Variants in RAB37 observed in about 807,000 individuals in gnomAD.
RAB37 encodes ras-related protein Rab-37.
In RAB37, 29 loss-of-function variants were observed where a neutral mutation model predicts 33.1. That is an observed-to-expected ratio of 0.88 (90% CI 0.65 to 1.20). The LOEUF (loss-of-function observed/expected upper bound fraction) is 1.20, where lower values mean the gene tolerates loss of function less well. Ranked by LOEUF, RAB37 falls within the 50% of genes most tolerant of loss-of-function variation. RAB37 has a pLI of 0.00. For missense variants in RAB37, 299 were observed against 301.1 expected (o/e 0.99, Z 0.05); for synonymous variants, 128 against 119.5 (o/e 1.07, Z -0.47).
chr17:74,717,506 CT>C (rs1392877275), intron 1 of RAB37, among the ~76,000 whole-genome samples: 3 of 152,122 alleles, frequency 2.0e-5, no homozygotes, highest in Non-Finnish European at 2.9e-5. Context: ...GATTAGTGCC[CT>C]TATAAGAAAG....
upstream of RAB37, chr17:74,737,175 C>T: frequency 2.2e-6 from 2 of 898,032 alleles, no homozygotes; most frequent in African/African-American, 1.9e-5. Flanking sequence ...TGAGGGGTCC[C>T]GGTCGAGGGA....
chr17:74,713,315 C>CAAA (rs1163915122), intron 1 of RAB37, among the ~76,000 whole-genome samples: 50 of 61,084 alleles, frequency 8.2e-4, no homozygotes, highest in South Asian at 3.2e-3. Context: ...CAAACAAAAA[C>CAAA]AAAAAAAAAA....
intron 1 of RAB37, among the ~76,000 whole-genome samples, chr17:74,739,271 G>A (rs2034550598): frequency 6.6e-6 from 1 of 152,160 alleles, no homozygotes; most frequent in Non-Finnish European, 1.5e-5. Flanking sequence ...GAGAACAGTG[G>A]GACAAAGTGC....
upstream of RAB37, among the ~76,000 whole-genome samples, chr17:74,733,569 G>GATTTGAGGTGTGT (rs2034424579): frequency 2.4e-5 from 1 of 41,150 alleles, no homozygotes. Context: ...GTGTGTGTGT[G>GATTTGAGGTGTGT]TGGTGAGGTG....
intron 1 of RAB37, among the ~76,000 whole-genome samples, chr17:74,678,682 G>GACAC (rs148139871): frequency 2.2e-3 from 332 of 147,926 alleles, no homozygotes; most frequent in Admixed American, 4.0e-3. Flanking sequence ...CAGACACACA[G>GACAC]ACACACACAC....
chr17:74,725,127 C>T (rs992728327), intron 1 of RAB37, among the ~76,000 whole-genome samples: 12 of 152,192 alleles, frequency 7.9e-5, no homozygotes, highest in African/African-American at 2.2e-4. Context: ...GCCAGGTTAG[C>T]ATGTAGGATT....
intron 1 of RAB37, among the ~76,000 whole-genome samples, chr17:74,709,542 A>G (rs2033795195): frequency 1.3e-5 from 2 of 152,078 alleles, no homozygotes; most frequent in African/African-American, 4.8e-5. Context: ...CTTTTAGGAC[A>G]CCATAAACCA....
rs779726345 is a variant in RAB37 at position 74,718,648 on chromosome 17, G to A, written c.73-10608G>A. Among the ~76,000 whole-genome samples, 106 of 152,158 alleles carry A rather than the reference G, an allele frequency of 7.0e-4. 1 individual carries two copies. Among genetic ancestry groups the A allele is most frequent in the Non-Finnish European group, 2.6e-4 (18 of 68,038 alleles). On this transcript the variant is annotated intron_variant, in intron 1 of 7. Transcript: ENST00000340415. ...CCCTTAGCTTTCATCAGATTCCCCA[G>A]TGCAATGCACCTCCTCAACACACAC...
intron 1 of RAB37, among the ~76,000 whole-genome samples, chr17:74,713,543 G>A (rs891390398): frequency 6.6e-6 from 1 of 152,064 alleles, no homozygotes; most frequent in African/African-American, 2.4e-5. Flanking sequence ...CTGGTGGGTT[G>A]GCTGGGGGCA....
At chr17:74,702,541 A>C (rs190854459) in intron 1 of RAB37, among the ~76,000 whole-genome samples, 1 of 152,134 alleles carries the variant, frequency 6.6e-6, no homozygotes, top group South Asian at 2.1e-4. Flanking sequence ...TGTTCTTGCC[A>C]TAATAGTAAT....
chr17:74,674,584 A>G (rs1359398152), intron 1 of RAB37, among the ~76,000 whole-genome samples: 1 of 152,128 alleles, frequency 6.6e-6, no homozygotes, highest in African/African-American at 2.4e-5. Flanking sequence ...AGGCTGAGAC[A>G]GGAGAATCAC....
Position 74,745,031 on chromosome 17 carries a change from G to T in RAB37, c.513G>T (p.Glu171Asp). ...AGGAGTACGGTGTTCCCTTCCTGGA[G>T]ACCAGCGCCAAGACTGGCATGAATG... ...LAREYGVPFL[E>D]TSAKTGMNVE... Residue 171 changes from glutamate to aspartate, a missense_variant, in exon 8 of 9, where the codon GAG becomes GAT. By Grantham distance (45) the Glu-to-Asp change is conservative (BLOSUM62 2). Transcript: ENST00000392613. The surrounding 1 kb of genome is among the most constrained non-coding windows in gnomAD (Gnocchi z 4.5). 1.2e-6 allele frequency: 2 copies of T among 1,614,256 alleles called. No homozygotes were observed. Among genetic ancestry groups the T allele is most frequent in the South Asian group, 1.1e-5 (1 of 91,082 alleles).
chr17:74,747,026 T>C lies in RAB37; in HGVS notation c.*1615T>C. 6.6e-6 allele frequency: 1 copy of C among 152,438 alleles called. No homozygotes were observed. Among genetic ancestry groups the C allele is most frequent in the Non-Finnish European group, 1.5e-5 (1 of 68,118 alleles). The allele number at this position is 152,438 out of a possible 1,614,324, so 9.4% of individuals were successfully genotyped here. ...GGACAGGAAACATGAGGTCATGACC[T>C]GCAGGCATCTTTACTGCAGCTCTGC... On this transcript the variant is annotated 3_prime_UTR_variant, in exon 9 of 9. Transcript: ENST00000392613.
intron 1 of RAB37, among the ~76,000 whole-genome samples, chr17:74,725,190 C>T (rs1454663155): frequency 6.6e-6 from 1 of 152,078 alleles, no homozygotes; most frequent in South Asian, 2.1e-4. Flanking sequence ...AACCTCCTGT[C>T]CCCAGCCCCC....
At chr17:74,703,109 A>C in intron 1 of RAB37, 1 of 1,613,866 alleles carries the variant, frequency 6.2e-7, no homozygotes, top group Non-Finnish European at 8.5e-7. Flanking sequence ...CTGTAAACGT[A>C]GTGGAGGTAG....
intron 1 of RAB37, among the ~76,000 whole-genome samples, chr17:74,720,310 C>T (rs2034222115): frequency 6.6e-6 from 1 of 152,130 alleles, no homozygotes; most frequent in Non-Finnish European, 1.5e-5. Context: ...TTAGGCCAGG[C>T]ATGGTGGCTC....
chr17:74,739,076 G>A (rs1392211465), intron 1 of RAB37, among the ~76,000 whole-genome samples: 1 of 152,096 alleles, frequency 6.6e-6, no homozygotes, highest in Non-Finnish European at 1.5e-5. Flanking sequence ...AGCCACCCCT[G>A]CCTCTCCACC....
At chr17:74,693,059 G>A (rs1282240583) in intron 1 of RAB37, among the ~76,000 whole-genome samples, 1 of 152,196 alleles carries the variant, frequency 6.6e-6, no homozygotes, top group East Asian at 1.9e-4. Flanking sequence ...TTTCACCAAA[G>A]GAAATAAAGC....
At position 74,671,408 on chromosome 17, in the gene RAB37, T is replaced by A. The variant is rs2031700993; in HGVS notation, c.-179T>A. ...TCAGTCCTGGAAGAACGTGGCCGCC[T>A]GCCCGCCTGGTACCGCGCCGCGGCC... On this transcript the variant is annotated 5_prime_UTR_variant, in exon 1 of 8. Transcript: ENST00000340415. The surrounding 1 kb of genome is among the most constrained non-coding windows in gnomAD (Gnocchi z 5.0). The A allele has an allele frequency of 3.3e-6, 2 of 601,508 alleles. No individual in the cohort carries two copies. The highest frequency in any genetic ancestry group is 5.9e-6 in the Non-Finnish European group (2 of 341,724). The allele number at this position is 601,508 out of a possible 1,614,324, so 37.3% of individuals were successfully genotyped here.
Sources: allele counts gnomAD v4.1 joint callset (sites outside exome capture counted in the v4.1 genomes callset), GRCh38; gene constraint gnomAD v4.1.1; non-coding constraint Gnocchi (gnomAD v3.1); transcripts MANE v1.5; gene names NCBI Gene and HGNC (gene_info 2026-07-23, HGNC 2026-07-21).